Variants in LRRC28 observed in about 807,000 individuals in gnomAD.
The protein encoded by LRRC28 is leucine rich repeat containing 28.
LRRC28 carries 39 observed loss-of-function variants against 45.7 expected under a neutral mutation model. That is an observed-to-expected ratio of 0.85 (90% confidence interval 0.66 to 1.12). LRRC28 has a LOEUF of 1.12. Among genes scored for constraint, LRRC28 ranks in the 50% most tolerant of loss-of-function variants. The pLI is 0.00. For missense variants in LRRC28, 435 were observed against 438.5 expected (o/e 0.99, Z 0.07); for synonymous variants, 206 against 178.8 (o/e 1.15, Z -1.22).
chr15:99,361,485 A>G lies in LRRC28; in HGVS notation c.845A>G (p.Tyr282Cys), dbSNP rs375124237. 7.5e-6 allele frequency: 12 copies of G among 1,610,466 alleles called. No homozygotes were observed. The highest frequency in any genetic ancestry group is 9.3e-6 in the Non-Finnish European group (11 of 1,178,802). ...PLQELAMRGL[Y>C]HTYHSLLKDL... is the part of the protein sequence containing the mutation. ...CAGGAATTGGCTATGAGAGGGCTGT[A>G]TCATACCTACCACAGCTTGCTGAAA... is the stretch of plus-strand genomic sequence containing the variant. The change falls in exon 8 of 10, where the codon TAT becomes TGT. Residue 282 changes from tyrosine (Y) to cysteine (C), a missense_variant. By Grantham distance (194) the Tyr-to-Cys change is radical. Coordinates refer to ENST00000301981, the MANE Select transcript of LRRC28 (RefSeq NM_144598.5).
rs538047953 is a variant in LRRC28 at position 99,366,642 on chromosome 15, G to A, written c.1031+3377G>A. Among the ~76,000 whole-genome samples, 6 of 152,116 alleles carry A rather than the reference G, an allele frequency of 3.9e-5. 1 individual carries two copies. In the South Asian group the frequency reaches 1.2e-3, roughly 32 times the overall value. On this transcript the variant is annotated intron_variant, in intron 9 of 9. Coordinates refer to ENST00000301981, the MANE Select transcript of LRRC28 (RefSeq NM_144598.5). Reference sequence around the variant, plus strand: ...GCAGAGAATGTCTCTTCTTATAAGGGCACAAATCCTATCATGAGGATTCCA... The same window carrying A: ...GCAGAGAATGTCTCTTCTTATAAGGACACAAATCCTATCATGAGGATTCCA...
In LRRC28 at chr15:99,334,142, G is replaced by A. The variant is rs1956245693; in HGVS notation, c.592+13G>A. 1 of 1,613,896 alleles carries A rather than the reference G, an allele frequency of 6.2e-7. No homozygotes were observed. Among genetic ancestry groups the A allele is most frequent in the Non-Finnish European group, 8.5e-7 (1 of 1,179,804 alleles). ...TTTTTGCCACTTGGTAAGTGATTGTGTTTAAAGTAAAGCAGCCAAAGAATA... is the reference window on the plus strand; with the variant it reads ...TTTTTGCCACTTGGTAAGTGATTGTATTTAAAGTAAAGCAGCCAAAGAATA... On this transcript the variant is annotated intron_variant, in intron 6 of 9. Transcript: ENST00000301981.
chr15:99,275,043 A>G (rs781192633), intron 2 of LRRC28, among the ~76,000 whole-genome samples: 2 of 152,208 alleles, frequency 1.3e-5, no homozygotes, highest in Non-Finnish European at 2.9e-5. Flanking sequence ...GTGCTCCTTC[A>G]GCCTTTCGAC....
intron 6 of LRRC28, among the ~76,000 whole-genome samples, chr15:99,351,843 G>C (rs574253224): frequency 1.5e-4 from 23 of 152,316 alleles, no homozygotes; most frequent in African/African-American, 5.3e-4. Context: ...GATTGGGCCA[G>C]CTCTGAATAT....
At chr15:99,272,973 A>G (rs2081520599) in intron 2 of LRRC28, among the ~76,000 whole-genome samples, 2 of 152,202 alleles carry the variant, frequency 1.3e-5, no homozygotes, top group South Asian at 2.1e-4. Flanking sequence ...GTAATCCAAC[A>G]TTAGAGCTTA....
chr15:99,265,174 G>A (rs1418481603), intron 2 of LRRC28, among the ~76,000 whole-genome samples: 1 of 152,156 alleles, frequency 6.6e-6, no homozygotes, highest in Non-Finnish European at 1.5e-5. Flanking sequence ...GCTCGTTTAG[G>A]GAACTTTCTC....
At chr15:99,335,556 C>G (rs1476393011) in intron 6 of LRRC28, among the ~76,000 whole-genome samples, 1 of 152,112 alleles carries the variant, frequency 6.6e-6, no homozygotes, top group East Asian at 1.9e-4. Flanking sequence ...ACCCAGGAGG[C>G]TGAAGTGGAA....
intron 2 of LRRC28, among the ~76,000 whole-genome samples, chr15:99,263,453 C>T (rs983525539): frequency 3.3e-5 from 5 of 151,846 alleles, no homozygotes; most frequent in South Asian, 2.1e-4. Flanking sequence ...TCTTTGTGAT[C>T]GTTTTAAGAT....
intron 6 of LRRC28, 106 bp downstream of exon 6, chr15:99,334,235 C>T (rs1001301917): frequency 2.7e-5 from 34 of 1,271,320 alleles, no homozygotes; most frequent in African/African-American, 4.4e-5. Flanking sequence ...TTTATCTTGA[C>T]GATTGCTTCT....
chr15:99,366,767 A>T (rs867807704), intron 9 of LRRC28, among the ~76,000 whole-genome samples: 1 of 152,176 alleles, frequency 6.6e-6, no homozygotes, highest in African/African-American at 2.4e-5. Context: ...TAGGAAGGAA[A>T]CAGTCCAGTC....
chr15:99,267,399 G>A (rs1194827125), intron 2 of LRRC28, among the ~76,000 whole-genome samples: 2 of 152,302 alleles, frequency 1.3e-5, no homozygotes, highest in Non-Finnish European at 2.9e-5. Flanking sequence ...GGAGAAACCG[G>A]GAGCGGGAAT....
chr15:99,334,970 G>A (rs895618293), intron 6 of LRRC28, among the ~76,000 whole-genome samples: 2 of 151,872 alleles, frequency 1.3e-5, no homozygotes, highest in African/African-American at 4.8e-5. Context: ...ATATGTTCAA[G>A]GTAACTTTAA....
chr15:99,259,311 T>C, intron 2 of LRRC28: 2 of 1,241,836 alleles, frequency 1.6e-6, no homozygotes, highest in Admixed American at 3.4e-5. Context: ...TATGAAGTTA[T>C]TTACCTCACA....
At chr15:99,273,532 C>T (rs893315804) in intron 2 of LRRC28, among the ~76,000 whole-genome samples, 34 of 150,968 alleles carry the variant, frequency 2.3e-4, no homozygotes, top group African/African-American at 8.1e-4. Flanking sequence ...CCACCGTGCC[C>T]GGCCGTGTCT....
rs113992072 is a variant in LRRC28, at chr15:99,330,878, A to G, written c.386-3045A>G. 2.9e-3 allele frequency among the ~76,000 whole-genome samples: 442 copies of G among 151,792 alleles called. 1 individual carries two copies. Among genetic ancestry groups the G allele is most frequent in the Non-Finnish European group, 5.2e-3 (356 of 67,910 alleles). On this transcript the variant is annotated intron_variant, in intron 5 of 9. Coordinates refer to ENST00000301981, the MANE Select transcript of LRRC28 (RefSeq NM_144598.5). ...GTTACTGTGCTGACTTTTTTTAACT[A>G]TATATTTTTAGTTATCTTCTTGTTT...
At chr15:99,315,843 C>T (rs1221747292) in intron 5 of LRRC28, among the ~76,000 whole-genome samples, 2 of 152,120 alleles carry the variant, frequency 1.3e-5, no homozygotes, top group African/African-American at 4.8e-5. Flanking sequence ...GCCAGGAATT[C>T]CAGGATATAG....
chr15:99,319,389 A>G (rs896828370), intron 5 of LRRC28, among the ~76,000 whole-genome samples: 1 of 152,238 alleles, frequency 6.6e-6, no homozygotes, highest in East Asian at 1.9e-4. Context: ...ATAGAAATCC[A>G]TGTACAGACA....
intron 7 of LRRC28, among the ~76,000 whole-genome samples, chr15:99,357,372 A>G (rs1957075810): frequency 6.6e-6 from 1 of 152,236 alleles, no homozygotes; most frequent in Admixed American, 6.5e-5. Flanking sequence ...CCACACTACA[A>G]ACAGCCCAAA....
rs746017164 is a variant in LRRC28, at chr15:99,352,396, A to C, written c.620A>C (p.Tyr207Ser). The change falls in exon 7 of 10, where the codon TAT (tyrosine) becomes TCT (serine). Residue 207 changes from tyrosine (Y) to serine (S), a missense_variant. By Grantham distance (144) the Tyr-to-Ser change is moderately radical. Coordinates refer to ENST00000301981, the MANE Select transcript of LRRC28 (RefSeq NM_144598.5). ...LDLGRSRELQYVYVDNNIHLK... is the reference protein window; with the variant it reads ...LDLGRSRELQSVYVDNNIHLK... The stretch of plus-strand genomic sequence containing the variant: ...TTAGGTCGATCTCGAGAACTACAGT[A>C]TGTATACGTGGATAACAACATTCAC... 6.2e-7 allele frequency: 1 copy of C among 1,613,978 alleles called. No homozygotes were observed. The highest frequency in any genetic ancestry group is 8.5e-7 in the Non-Finnish European group (1 of 1,179,952).
Sources: gnomAD v4.1 joint callset for allele counts (sites outside exome capture counted in the v4.1 genomes callset) on GRCh38, gnomAD v4.1.1 for gene constraint, MANE v1.5 for transcripts, NCBI Gene and HGNC (gene_info 2026-07-23, HGNC 2026-07-21) for gene names.